WWOX: variants seen among roughly 807,000 people sequenced by gnomAD.
WWOX encodes WW domain-containing oxidoreductase.
Under a neutral mutation model 46.2 loss-of-function variants are expected in WWOX, and 69 were observed. The ratio of observed to expected loss-of-function variants is 1.49; its 90% CI spans 1.23 to 1.82. WWOX has a LOEUF of 1.82. Ranked by LOEUF, WWOX falls within the 40% of genes most tolerant of loss-of-function variation. WWOX has a pLI of 0.00. For missense variants in WWOX, 919 were observed against 542.6 expected, an observed-to-expected ratio of 1.69 and a Z score of -6.89; for synonymous variants, 359 against 202.6, an observed-to-expected ratio of 1.77 and a Z score of -6.56.
Position 78,914,754 on chromosome 16 carries a change from CTG to C in WWOX, c.1057-296852_1057-296851del, listed in dbSNP as rs375207472. ...ATTAACTGGGCATGCTGGCAGGCGCCTGTAGTCCCAGCTACTCTGGAGGCTGA... is the reference window on the plus strand; with the variant it reads ...ATTAACTGGGCATGCTGGCAGGCGCCTAGTCCCAGCTACTCTGGAGGCTGA... On this transcript the variant is annotated intron_variant, in intron 8 of 8. Transcript: ENST00000566780. Among the ~76,000 whole-genome samples, 61 of 152,064 alleles carry C rather than the reference CTG, an allele frequency of 4.0e-4. No homozygotes were observed. The East Asian group carries it at 9.7e-3, about 24-fold the overall frequency.
chr16:79,193,230 G>T (rs1362618581), intron 8 of WWOX, among the ~76,000 whole-genome samples: 1 of 152,166 alleles, frequency 6.6e-6, no homozygotes, highest in Non-Finnish European at 1.5e-5. Flanking sequence ...GATTCCCTCT[G>T]CATACAAGTT....
chr16:78,121,750 C>T (rs550598006), intron 4 of WWOX, among the ~76,000 whole-genome samples: 1 of 151,618 alleles, frequency 6.6e-6, no homozygotes, highest in African/African-American at 2.4e-5. Flanking sequence ...CAACCTTTGT[C>T]TCCCAGGGCC....
chr16:78,403,086 C>T (rs2082450584), intron 6 of WWOX, among the ~76,000 whole-genome samples: 1 of 152,236 alleles, frequency 6.6e-6, no homozygotes, highest in African/African-American at 2.4e-5. Context: ...CTCCATATAT[C>T]TCTAGGCAAA....
chr16:78,540,873 G>A (rs1367207678), intron 8 of WWOX, among the ~76,000 whole-genome samples: 2 of 152,086 alleles, frequency 1.3e-5, no homozygotes, highest in African/African-American at 2.4e-5. Flanking sequence ...TTTCTTAGAG[G>A]TAGAGCCTCA....
intron 8 of WWOX, among the ~76,000 whole-genome samples, chr16:78,775,605 C>T (rs1228017368): frequency 1.3e-5 from 2 of 152,146 alleles, no homozygotes; most frequent in Non-Finnish European, 2.9e-5. Context: ...CCACCTCTCC[C>T]CACAACTTCA....
intron 5 of WWOX, among the ~76,000 whole-genome samples, chr16:78,238,972 G>A (rs2151816543): frequency 6.6e-6 from 1 of 152,224 alleles, no homozygotes; most frequent in Non-Finnish European, 1.5e-5. Context: ...GGTTTGATGT[G>A]CTCTTGTCCC....
chr16:78,791,933 G>C (rs577193173), intron 8 of WWOX, among the ~76,000 whole-genome samples: 17 of 152,140 alleles, frequency 1.1e-4, no homozygotes, highest in African/African-American at 4.1e-4. Flanking sequence ...ATACATAGAA[G>C]AGGCCTTCTC....
At chr16:78,366,725 C>G (rs929514081) in intron 5 of WWOX, among the ~76,000 whole-genome samples, 1 of 152,162 alleles carries the variant, frequency 6.6e-6, no homozygotes, top group African/African-American at 2.4e-5. Flanking sequence ...TGCTTACTAT[C>G]TGGCCCTTTA....
chr16:79,122,695 G>A (rs1285382078), intron 8 of WWOX, among the ~76,000 whole-genome samples: 1 of 151,964 alleles, frequency 6.6e-6, no homozygotes, highest in Non-Finnish European at 1.5e-5. Flanking sequence ...GGAAATAACC[G>A]TAAGCTAGGA....
chr16:78,314,703 TTTTTTTTTTTTTTTTTTTC>T (rs2080323336), intron 5 of WWOX, among the ~76,000 whole-genome samples: 1 of 64,928 alleles, frequency 1.5e-5, no homozygotes, highest in African/African-American at 8.0e-5. Flanking sequence ...TTTTTTTTGT[TTTTTTTTTTTTTTTTTTTC>T]TGTATTTTCA....
chr16:78,680,437 G>A (rs1232407778), intron 8 of WWOX, among the ~76,000 whole-genome samples: 6 of 152,120 alleles, frequency 3.9e-5, no homozygotes, highest in African/African-American at 4.8e-5. Context: ...GGGAGGCTGA[G>A]GTGGGAGGAT....
At chr16:78,369,828 C>T (rs1187034662) in intron 5 of WWOX, among the ~76,000 whole-genome samples, 1 of 151,900 alleles carries the variant, frequency 6.6e-6, no homozygotes, top group African/African-American at 2.4e-5. Flanking sequence ...AGAGGCAGCA[C>T]AGTGCTGTAA....
intron 6 of WWOX, among the ~76,000 whole-genome samples, chr16:78,400,748 C>T (rs966363649): frequency 6.6e-6 from 1 of 152,226 alleles, no homozygotes; most frequent in Admixed American, 6.6e-5. Flanking sequence ...AAAGCAAATC[C>T]AAGAGATCAT....
chr16:78,430,546 C>T (rs1216260783), intron 7 of WWOX, among the ~76,000 whole-genome samples: 6 of 152,092 alleles, frequency 3.9e-5, no homozygotes, highest in Non-Finnish European at 8.8e-5. Flanking sequence ...AGACATCTGC[C>T]ATCCCTGCTA....
At chr16:78,636,328 A>G (rs2046569678) in intron 8 of WWOX, among the ~76,000 whole-genome samples, 1 of 152,072 alleles carries the variant, frequency 6.6e-6, no homozygotes, top group East Asian at 1.9e-4. Context: ...AAAGACCCCC[A>G]CCTTTGAATA....
At chr16:78,946,539 A>G (rs1216736239) in intron 8 of WWOX, among the ~76,000 whole-genome samples, 1 of 152,116 alleles carries the variant, frequency 6.6e-6, no homozygotes, top group Non-Finnish European at 1.5e-5. Context: ...TGCACACAAA[A>G]TGACCAAACC....
intron 5 of WWOX, among the ~76,000 whole-genome samples, chr16:78,183,938 G>C (rs887554497): frequency 3.9e-5 from 6 of 152,166 alleles, no homozygotes; most frequent in Non-Finnish European, 8.8e-5. Context: ...ATCATTCTCT[G>C]TGCCTTTCGG....
At chr16:79,016,633 G>C (rs1399207885) in intron 8 of WWOX, 1 of 152,048 alleles carries the variant, frequency 6.6e-6, no homozygotes, top group Non-Finnish European at 1.5e-5. Context: ...ATGTTGCTCA[G>C]GCTGGTCTCA....
chr16:78,680,259 A>G (rs375746930), intron 8 of WWOX, among the ~76,000 whole-genome samples: 1 of 151,942 alleles, frequency 6.6e-6, no homozygotes, highest in Non-Finnish European at 1.5e-5. Context: ...AAATACAAAA[A>G]TTAGCCAGGT....
Sources: allele counts gnomAD v4.1 joint callset (sites outside exome capture counted in the v4.1 genomes callset), GRCh38; gene constraint gnomAD v4.1.1; transcripts MANE v1.5; gene names NCBI Gene and HGNC (gene_info 2026-07-23, HGNC 2026-07-21).